Variants in ZFP62 observed in about 807,000 individuals in gnomAD.
ZFP62 encodes zinc finger protein 62 homolog.
A neutral mutation model predicts 56.4 loss-of-function variants in ZFP62; 44 were observed. That is an observed-to-expected ratio of 0.78 (90% confidence interval 0.61 to 1.00). The LOEUF (loss-of-function observed/expected upper bound fraction) is 1.00, where lower values mean the gene tolerates loss of function less well. ZFP62 is among the 50% of genes least tolerant of loss of function. ZFP62 has a pLI of 0.00. For synonymous variants in ZFP62, 421 were observed against 388.9 expected (o/e 1.08, Z -0.97); for missense variants, 1,030 against 1,085.7 (o/e 0.95, Z 0.72).
At chr5:180,828,659 T>G in the ZFP62 span, among the ~76,000 whole-genome samples, 2 of 152,174 alleles carry the variant, frequency 1.3e-5, no homozygotes, top group Non-Finnish European at 2.9e-5. Context: ...CTGTACAAAT[T>G]GATTATAAAA....
chr5:180,829,336 C>T, the ZFP62 span, among the ~76,000 whole-genome samples: 1 of 152,172 alleles, frequency 6.6e-6, no homozygotes, highest in African/African-American at 2.4e-5. Flanking sequence ...GATCTTTGTT[C>T]TGCCTTTTGC....
chr5:180,859,337 C>A (rs1774179614), intron 1 of ZFP62, among the ~76,000 whole-genome samples: 1 of 152,066 alleles, frequency 6.6e-6, no homozygotes, highest in Non-Finnish European at 1.5e-5. Context: ...GCTTACCAAC[C>A]CAGAACAAAG....
intron 1 of ZFP62, chr5:180,860,821 A>T (rs1210880247): frequency 8.4e-6 from 2 of 237,118 alleles, no homozygotes; most frequent in Non-Finnish European, 1.6e-5. Context: ...CTGCAGAGGG[A>T]GCACGAAATG....
chr5:180,834,095 T>C, the ZFP62 span, among the ~76,000 whole-genome samples: 31 of 152,222 alleles, frequency 2.0e-4, no homozygotes, highest in East Asian at 3.7e-3. Context: ...AGTGGGAACT[T>C]TGGGAAGTAA....
the ZFP62 span, among the ~76,000 whole-genome samples, chr5:180,828,564 T>C: frequency 6.6e-6 from 1 of 152,262 alleles, no homozygotes; most frequent in Admixed American, 6.5e-5. Flanking sequence ...TTCTTATGCC[T>C]GTCTTTACTT....
At position 180,851,429 on chromosome 5, in the gene ZFP62, A is replaced by G. The variant is rs1222518188; in HGVS notation, c.66T>C (p.Asn22=). 2 of 1,551,410 alleles carry G rather than the reference A, an allele frequency of 1.3e-6. No individual in the cohort carries two copies. Among genetic ancestry groups the G allele is most frequent in the Non-Finnish European group, 1.7e-6 (2 of 1,146,950 alleles). Residue 22 remains asparagine, a synonymous_variant, in exon 2 of 2, where the codon AAT becomes AAC. Transcript: ENST00000502412. ...EPTEEYENVG[N]AASKWPKVED... ...CCACTTTTGGCCACTTAGATGCTGC[A>G]TTTCCAACATTTTCATATTCTTCAG... is the stretch of plus-strand genomic sequence containing the variant.
Position 180,850,397 on chromosome 5 carries a change from T to C in ZFP62, c.1098A>G (p.Glu366=), listed in dbSNP as rs1773629746. 3 of 1,560,580 alleles carry C rather than the reference T, an allele frequency of 1.9e-6. No homozygotes were observed. The highest frequency in any genetic ancestry group is 2.7e-5 in the African/African-American group (2 of 73,412). Reference sequence around the variant, plus strand: ...TGAAAGCCTTCCCACATTCATCACATTCATAAGGTTTCTCTCCAGTGTGGA... The same window carrying C: ...TGAAAGCCTTCCCACATTCATCACACTCATAAGGTTTCTCTCCAGTGTGGA... ...KVIHTGEKPY[E]CDECGKAFRN... is the part of the protein sequence containing the mutation. Residue 366 remains glutamate, a synonymous_variant, in exon 2 of 2, where the codon GAA becomes GAG. Transcript: ENST00000502412.
chr5:180,858,279 G>T (rs80317783), intron 1 of ZFP62, among the ~76,000 whole-genome samples: 1 of 108,218 alleles, frequency 9.2e-6, no homozygotes, highest in South Asian at 2.9e-4. Context: ...AAAAAAAAAA[G>T]AAAAAAAGAA....
intron 1 of ZFP62, among the ~76,000 whole-genome samples, chr5:180,854,680 T>C (rs1173454625): frequency 6.6e-6 from 1 of 152,198 alleles, no homozygotes; most frequent in Non-Finnish European, 1.5e-5. Context: ...ATGCTTTTAG[T>C]AGGGAGAAGG....
intron 1 of ZFP62, among the ~76,000 whole-genome samples, chr5:180,856,561 G>T (rs143094799): frequency 7.2e-4 from 109 of 152,236 alleles, no homozygotes; most frequent in African/African-American, 2.5e-3. Flanking sequence ...TCCAGGCCCC[G>T]GGCTATTCCT....
intron 1 of ZFP62, among the ~76,000 whole-genome samples, chr5:180,858,688 G>C (rs867416936): frequency 3.2e-4 from 48 of 152,266 alleles, no homozygotes; most frequent in African/African-American, 1.1e-3. Flanking sequence ...TGGAGTTCCA[G>C]GAGTAAGTCA....
At chr5:180,833,879 C>T in the ZFP62 span, among the ~76,000 whole-genome samples, 3 of 152,096 alleles carry the variant, frequency 2.0e-5, no homozygotes, top group African/African-American at 4.8e-5. Flanking sequence ...CCGTGTTAGC[C>T]AGGATGGTCT....
chr5:180,846,904 C>T (rs1416748058), downstream of ZFP62, among the ~76,000 whole-genome samples: 1 of 152,198 alleles, frequency 6.6e-6, no homozygotes, highest in Non-Finnish European at 1.5e-5. Context: ...GTGTCATGTG[C>T]AAAGGAGGAT....
the ZFP62 span, among the ~76,000 whole-genome samples, chr5:180,840,195 T>C: frequency 1.9e-3 from 289 of 152,310 alleles, 1 homozygote; most frequent in Non-Finnish European, 3.4e-3. Flanking sequence ...CCTGACTGCT[T>C]GGGCACAGTG....
chr5:180,848,326 A>G lies in ZFP62; in HGVS notation c.*466T>C, dbSNP rs1773491125. 1 of 986,718 alleles carries G rather than the reference A, an allele frequency of 1.0e-6. No individual in the cohort carries two copies. The highest frequency in any genetic ancestry group is 1.2e-6 in the Non-Finnish European group (1 of 830,866). The allele number at this position is 986,718 out of a possible 1,614,324, so 61.1% of individuals were successfully genotyped here. A position where few individuals can be genotyped will look rare whatever the true frequency, so the allele number is the denominator to read the frequency against. On this transcript the variant is annotated 3_prime_UTR_variant, in exon 2 of 2. Transcript: ENST00000502412. ...AATAAATTTATATTCCCTGAAACCT[A>G]TCCTCCCTGAATTTGCCTGTTGGAG... is the stretch of plus-strand genomic sequence containing the variant.
chr5:180,851,120 G>A lies in ZFP62; in HGVS notation c.375C>T (p.Thr125=), dbSNP rs1044005466. The A allele has an allele frequency of 5.2e-6, 8 of 1,551,568 alleles. No homozygotes were observed. The African/African-American group carries it at 8.2e-5, about 16-fold the overall frequency. ...TTTTCTGCTGTAGACTAGGGTAGGA[G>A]GTTCCATTAATGTTCTCCACACGTT... ...QGKRVENING[T]SYPSLQQKTN... is the part of the protein sequence containing the mutation. Residue 125 remains threonine (T), a synonymous_variant, in exon 2 of 2, where the codon ACC becomes ACT. Coordinates refer to ENST00000502412, the MANE Select transcript of ZFP62 (RefSeq NM_001172638.2).
At chr5:180,854,248 G>C (rs1773857882) in intron 1 of ZFP62, among the ~76,000 whole-genome samples, 1 of 152,106 alleles carries the variant, frequency 6.6e-6, no homozygotes, top group South Asian at 2.1e-4. Context: ...AAAAAGGGTA[G>C]GGACACGCTG....
chr5:180,844,060 T>A (rs1240413184), downstream of ZFP62, among the ~76,000 whole-genome samples: 2 of 152,244 alleles, frequency 1.3e-5, no homozygotes, highest in Non-Finnish European at 2.9e-5. Flanking sequence ...TCTTTCTCAA[T>A]CACATCAGAG....
chr5:180,859,194 T>G (rs541871554), intron 1 of ZFP62, among the ~76,000 whole-genome samples: 4 of 152,238 alleles, frequency 2.6e-5, no homozygotes, highest in African/African-American at 9.6e-5. Context: ...ATTTGCAGAG[T>G]CCAACCATAT....
Sources: gnomAD v4.1 joint callset for allele counts (sites outside exome capture counted in the v4.1 genomes callset) on GRCh38, gnomAD v4.1.1 for gene constraint, MANE v1.5 for transcripts, NCBI Gene and HGNC (gene_info 2026-07-23, HGNC 2026-07-21) for gene names.